Variants in SGTA observed in about 807,000 individuals in gnomAD.
The protein encoded by SGTA is small glutamine-rich tetratricopeptide repeat-containing protein alpha.
A neutral mutation model predicts 44.3 loss-of-function variants in SGTA; 22 were observed. That is an observed-to-expected ratio of 0.50 (90% CI 0.36 to 0.71). SGTA has a LOEUF of 0.71. Ranked by LOEUF, SGTA falls within the 30% of genes least tolerant of loss-of-function variation. The pLI, the probability that SGTA is intolerant of heterozygous loss-of-function variation, is 0.00. For synonymous variants in SGTA, 174 were observed against 177.6 expected (o/e 0.98, Z 0.16); for missense variants, 341 against 435.9 (o/e 0.78, Z 1.94).
intron 8 of SGTA, among the ~76,000 whole-genome samples, chr19:2,759,903 T>G (rs1469803944): frequency 6.6e-6 from 1 of 151,614 alleles, no homozygotes. Flanking sequence ...GAGGTTGCAG[T>G]GAGCCGAGAT....
chr19:2,765,160 G>T lies in SGTA; in HGVS notation c.392+26C>A. ...GACGCCCCCGCACCCGGCCGCCCCTGCCCTGGGCAGGCCCTGAGCTGGTAC... is the reference window on the plus strand; with the variant it reads ...GACGCCCCCGCACCCGGCCGCCCCTTCCCTGGGCAGGCCCTGAGCTGGTAC... On this transcript the variant is annotated intron_variant, in intron 5 of 11. Transcript: ENST00000221566. The surrounding 1 kb of genome is among the most constrained non-coding windows in gnomAD (Gnocchi z 5.5). 6.3e-7 allele frequency: 1 copy of T among 1,587,662 alleles called. No homozygotes were observed. Among genetic ancestry groups the T allele is most frequent in the Non-Finnish European group, 8.6e-7 (1 of 1,156,246 alleles).
intron 9 of SGTA, among the ~76,000 whole-genome samples, chr19:2,758,710 C>G (rs1292973553): frequency 6.6e-6 from 1 of 152,204 alleles, no homozygotes; most frequent in Non-Finnish European, 1.5e-5. Flanking sequence ...CCGTTCACAA[C>G]AGACAAAAGG....
chr19:2,777,038 G>A (rs185772532), intron 1 of SGTA, among the ~76,000 whole-genome samples: 34 of 151,898 alleles, frequency 2.2e-4, no homozygotes, highest in African/African-American at 5.8e-4. Context: ...CGAGGCAGGC[G>A]GATCACCTGA....
intron 11 of SGTA, among the ~76,000 whole-genome samples, 193 bp downstream of exon 11, chr19:2,757,144 C>T (rs976488036): frequency 6.6e-6 from 1 of 152,182 alleles, no homozygotes; most frequent in Non-Finnish European, 1.5e-5. Flanking sequence ...GGCCCAATGC[C>T]CAGAGATGCC....
At chr19:2,769,537 T>C (rs1568311011) in intron 1 of SGTA, among the ~76,000 whole-genome samples, 1 of 152,200 alleles carries the variant, frequency 6.6e-6, no homozygotes, top group Non-Finnish European at 1.5e-5. Context: ...GGAGAGACCT[T>C]GTCCTCAGCC....
intron 9 of SGTA, among the ~76,000 whole-genome samples, chr19:2,758,348 G>A (rs937495482): frequency 6.6e-6 from 1 of 152,114 alleles, no homozygotes; most frequent in Admixed American, 6.6e-5. Flanking sequence ...GGCCAACATG[G>A]TGAAACCCCA....
intron 1 of SGTA, among the ~76,000 whole-genome samples, chr19:2,769,606 T>C (rs550181766): frequency 6.6e-6 from 1 of 152,132 alleles, no homozygotes; most frequent in Non-Finnish European, 1.5e-5. Flanking sequence ...AAGCATTTCT[T>C]AGGTACCCAA....
chr19:2,762,740 A>G, intron 6 of SGTA, 96 bp from the exon 7 acceptor site: 1 of 1,453,834 alleles, frequency 6.9e-7, no homozygotes, highest in Non-Finnish European at 9.5e-7. Context: ...CAACCCCCAA[A>G]CCACCTCGGA....
rs13344872 is a variant in SGTA, at chr19:2,773,995, A to G, written c.-23-4904T>C. Among the ~76,000 whole-genome samples, 545 of 104,532 alleles carry G rather than the reference A, an allele frequency of 5.2e-3. 7 individuals carry two copies. The highest frequency in any genetic ancestry group is 0.019 in the Middle Eastern group (3 of 162). 68.6% of individuals were successfully genotyped at this position (104,532 alleles called of 152,430 possible). ...CAGGGCAGGGACACCGAGGGCAGAGATGGGTGACGCGGCCACACGGCAGGG... is the reference window on the plus strand; with the variant it reads ...CAGGGCAGGGACACCGAGGGCAGAGGTGGGTGACGCGGCCACACGGCAGGG... On this transcript the variant is annotated intron_variant, in intron 1 of 11. Transcript: ENST00000221566.
intron 1 of SGTA, among the ~76,000 whole-genome samples, chr19:2,778,576 T>C (rs1160005506): frequency 1.4e-5 from 2 of 146,628 alleles, no homozygotes; most frequent in African/African-American, 5.0e-5. Context: ...CCTGTTACCC[T>C]GGGACAGAGC....
chr19:2,757,794 A>C lies in SGTA; in HGVS notation c.738-12T>G. 2 of 1,557,260 alleles carry C rather than the reference A, an allele frequency of 1.3e-6. No homozygotes were observed. Among genetic ancestry groups the C allele is most frequent in the Non-Finnish European group, 8.7e-7 (1 of 1,150,940 alleles). Reference sequence around the variant, plus strand: ...TCATGCCGGACATGCTGCAGGAGAGAGCGCGTGACTCGCAGCCGGGACAGC... The same window carrying C: ...TCATGCCGGACATGCTGCAGGAGAGCGCGCGTGACTCGCAGCCGGGACAGC... On this transcript the variant is annotated splice_polypyrimidine_tract_variant and intron_variant, in intron 9 of 11. Coordinates refer to ENST00000221566, the MANE Select transcript of SGTA (RefSeq NM_003021.4).
intron 1 of SGTA, 27 bp from the exon 2 acceptor site, chr19:2,769,118 AG>A: frequency 6.8e-7 from 1 of 1,472,346 alleles, no homozygotes; most frequent in East Asian, 2.3e-5. Flanking sequence ...AACCCCCATC[AG>A]GCCCCCTCAC....
rs112736826 is a variant in SGTA, at chr19:2,773,689, A to G, written c.-23-4598T>C. ...GAGATGGGTGACGCGGCCACACGGC[A>G]GGGACACCGAGGGCAGAGATGGGTG... On this transcript the variant is annotated intron_variant, in intron 1 of 11. Coordinates refer to ENST00000221566, the MANE Select transcript of SGTA (RefSeq NM_003021.4). 8.8e-3 allele frequency among the ~76,000 whole-genome samples: 353 copies of G among 39,908 alleles called. 5 individuals carry two copies. Among genetic ancestry groups the G allele is most frequent in the Middle Eastern group, 0.022 (1 of 46 alleles). 26.2% of individuals were successfully genotyped at this position (39,908 alleles called of 152,430 possible).
intron 6 of SGTA, among the ~76,000 whole-genome samples, chr19:2,762,994 G>T (rs1284040708): frequency 6.6e-6 from 1 of 152,194 alleles, no homozygotes; most frequent in African/African-American, 2.4e-5. Context: ...AGGGCACCAA[G>T]GACCCTCGGA....
At chr19:2,770,464 C>T (rs777406934) in intron 1 of SGTA, 1 of 152,314 alleles carries the variant, frequency 6.6e-6, no homozygotes. Flanking sequence ...TGCCTTGAGG[C>T]GCCAGCTCAG....
Position 2,755,715 on chromosome 19 carries a change from G to A in SGTA, c.*225C>T. 1.0e-6 allele frequency: 1 copy of A among 985,548 alleles called. No individual in the cohort carries two copies. Among genetic ancestry groups the A allele is most frequent in the South Asian group, 4.7e-5 (1 of 21,298 alleles). The allele number at this position is 985,548 out of a possible 1,614,324, so 61.1% of individuals were successfully genotyped here. On this transcript the variant is annotated 3_prime_UTR_variant, in exon 12 of 12. Transcript: ENST00000221566. This position sits in a 1 kb window ranked among gnomAD's most constrained non-coding sequence, Gnocchi z 5.2. ...GGAGGTCGCTGCTGGTCTGTGCTCAGCTTGCTGGCTCTCGTTTCAAGAAGG... is the reference window on the plus strand; with the variant it reads ...GGAGGTCGCTGCTGGTCTGTGCTCAACTTGCTGGCTCTCGTTTCAAGAAGG...
intron 8 of SGTA, among the ~76,000 whole-genome samples, chr19:2,760,375 A>C (rs1162693693): frequency 6.6e-6 from 1 of 151,842 alleles, no homozygotes; most frequent in Non-Finnish European, 1.5e-5. Flanking sequence ...AAAATTAGCC[A>C]GGCATGGTGG....
intron 1 of SGTA, chr19:2,770,413 G>GA (rs1178648404): frequency 1.3e-5 from 2 of 152,320 alleles, no homozygotes; most frequent in African/African-American, 4.8e-5. Flanking sequence ...CTCTGAGCAG[G>GA]AAGCCCCGAC....
chr19:2,755,291 G>C lies in SGTA; in HGVS notation c.*649C>G. On this transcript the variant is annotated 3_prime_UTR_variant, in exon 12 of 12. Coordinates refer to ENST00000221566, the MANE Select transcript of SGTA (RefSeq NM_003021.4). The surrounding 1 kb of genome is among the most constrained non-coding windows in gnomAD (Gnocchi z 5.2). ...ACATGTCTGTCAACATGCCCAACTG[G>C]AGAAAAGTCACAGAAACTGGTCCTA... 6.3e-6 allele frequency: 3 copies of C among 477,644 alleles called. No individual in the cohort carries two copies. Among genetic ancestry groups the C allele is most frequent in the Non-Finnish European group, 8.2e-6 (3 of 363,994 alleles). 29.6% of individuals were successfully genotyped at this position (477,644 alleles called of 1,614,324 possible).
Sources: gnomAD v4.1 joint callset for allele counts (sites outside exome capture counted in the v4.1 genomes callset) on GRCh38, gnomAD v4.1.1 for gene constraint, Gnocchi (gnomAD v3.1) non-coding constraint, MANE v1.5 for transcripts, NCBI Gene and HGNC (gene_info 2026-07-23, HGNC 2026-07-21) for gene names.